The following UPF2 variants were observed in gnomAD, a reference collection of about 807,000 sequenced individuals.
UPF2 encodes the protein regulator of nonsense transcripts 2.
In UPF2, 17 loss-of-function variants were observed where a neutral mutation model predicts 141.4. The observed-to-expected ratio is 0.12, with a 90% CI of 0.08 to 0.18. The LOEUF is 0.18. UPF2 is among the 10% of genes least tolerant of loss of function. The probability of loss-of-function intolerance (pLI) is 1.00; values close to 1 mark genes in which losing one functional copy is unlikely to be tolerated. For missense variants in UPF2, 1,152 were observed against 1,515.9 expected (o/e 0.76, Z 3.99); for synonymous variants, 540 against 498.0 (o/e 1.08, Z -1.12).
chr10:11,923,787 C>T (rs777321955), intron 21 of UPF2, among the ~76,000 whole-genome samples: 3 of 151,842 alleles, frequency 2.0e-5, no homozygotes, highest in East Asian at 1.9e-4. Context: ...TGCAGTGAGC[C>T]GAGATCCCGG....
rs563104137 is a variant in UPF2 at position 11,921,882 on chromosome 10, A to G, written c.3810-575T>C. On this transcript the variant is annotated intron_variant, in intron 21 of 21. Transcript: ENST00000357604. The surrounding 1 kb of genome is among the most constrained non-coding windows in gnomAD (Gnocchi z 5.9). ...GTTCAGTTGTGTATCCCCAAAATTC[A>G]CATGTTAACACTGAACTGCAGGACC... Among the ~76,000 whole-genome samples, 1 of 152,248 alleles carries G rather than the reference A, an allele frequency of 6.6e-6. No individual in the cohort carries two copies. The highest frequency in any genetic ancestry group is 2.4e-5 in the African/African-American group (1 of 41,542).
chr10:11,991,722 A>G (rs1348059644), intron 8 of UPF2, among the ~76,000 whole-genome samples: 1 of 152,244 alleles, frequency 6.6e-6, no homozygotes, highest in Non-Finnish European at 1.5e-5. Flanking sequence ...TTAGGGTTAA[A>G]AGGTATGAGC....
chr10:11,954,270 A>T (rs1454026629), intron 14 of UPF2, among the ~76,000 whole-genome samples: 2 of 152,186 alleles, frequency 1.3e-5, no homozygotes, highest in East Asian at 1.9e-4. Flanking sequence ...TTTACAAATA[A>T]ATGAACAAAT....
chr10:11,997,812 C>G, intron 7 of UPF2, 55 bp from the exon 8 acceptor site: 2 of 1,464,550 alleles, frequency 1.4e-6, no homozygotes, highest in Non-Finnish European at 9.6e-7. Context: ...TTACGGAGAG[C>G]AGAAATCCTG....
chr10:12,028,872 G>A lies in UPF2; in HGVS notation c.1018C>T (p.Pro340Ser). ...TTCTCTGGACTAATTATCTCACTAG[G>A]AGGAAAACTCAAATTAAACTTCTCT... ...AAEKFNLSFPPSEIISPEKQQ... is the reference protein window; with the variant it reads ...AAEKFNLSFPSSEIISPEKQQ... The change falls in exon 3 of 22, where the codon CCT (proline) becomes TCT (serine). Residue 340 changes from proline to serine, a missense_variant. Physicochemically the swap from Pro to Ser is moderately conservative, Grantham distance 74. Coordinates refer to ENST00000357604, the MANE Select transcript of UPF2 (RefSeq NM_015542.4). 1 of 1,614,092 alleles carries A rather than the reference G, an allele frequency of 6.2e-7. No individual in the cohort carries two copies. The highest frequency in any genetic ancestry group is 8.5e-7 in the Non-Finnish European group (1 of 1,180,014).
At chr10:12,035,760 A>AG in intron 1 of UPF2, 1 of 191,134 alleles carries the variant, frequency 5.2e-6, no homozygotes. Flanking sequence ...TATCAACTCC[A>AG]AAACAATATG....
chr10:12,017,704 G>A (rs973272524), intron 3 of UPF2, among the ~76,000 whole-genome samples: 4 of 152,142 alleles, frequency 2.6e-5, no homozygotes, highest in African/African-American at 9.7e-5. Context: ...TTGGGGTTTT[G>A]TTTGTTCGTT....
intron 3 of UPF2, among the ~76,000 whole-genome samples, chr10:12,018,119 G>A (rs940334463): frequency 1.3e-5 from 2 of 152,154 alleles, no homozygotes; most frequent in Non-Finnish European, 2.9e-5. Flanking sequence ...AGACAAAGCA[G>A]AGAAATAACT....
chr10:11,999,199 A>C lies in UPF2; in HGVS notation c.1758+707T>G, dbSNP rs111880018. Among the ~76,000 whole-genome samples the C allele has an allele frequency of 1.7e-3, 254 of 151,912 alleles. 1 individual carries two copies. Among genetic ancestry groups the C allele is most frequent in the African/African-American group, 5.7e-3 (235 of 41,470 alleles). Reference sequence around the variant, plus strand: ...GCTCTACCCACCATCACTTTTGCAAATGTCAAAACAATAAAAAAGAAAAAA... The same window carrying C: ...GCTCTACCCACCATCACTTTTGCAACTGTCAAAACAATAAAAAAGAAAAAA... On this transcript the variant is annotated intron_variant, in intron 7 of 21. Transcript: ENST00000357604.
At chr10:12,026,688 T>C (rs1488339811) in intron 3 of UPF2, 2 of 449,290 alleles carry the variant, frequency 4.5e-6, no homozygotes, top group East Asian at 1.4e-4. Flanking sequence ...CTCGCTCTTG[T>C]CCTCCAGGCT....
chr10:11,938,853 GTT>G (rs58106776), intron 18 of UPF2, among the ~76,000 whole-genome samples: 37 of 79,814 alleles, frequency 4.6e-4, no homozygotes, highest in African/African-American at 1.7e-3. Context: ...TTTTTTTTTT[GTT>G]TTTTTTTTTT....
chr10:11,973,029 G>A lies in UPF2; in HGVS notation c.1954-5575C>T, dbSNP rs551550931. On this transcript the variant is annotated intron_variant, in intron 9 of 21. Transcript: ENST00000357604. ...TGGAAAAGTGTTCCTATTTCTCCAC[G>A]TCCTCTCCAGCACCTGTTGTTTCCT... Among the ~76,000 whole-genome samples, 444 of 152,066 alleles carry A rather than the reference G, an allele frequency of 2.9e-3. 2 individuals carry two copies. Among genetic ancestry groups the A allele is most frequent in the South Asian group, 7.9e-3 (38 of 4,814 alleles).
intron 8 of UPF2, among the ~76,000 whole-genome samples, chr10:11,984,487 T>C (rs2131237263): frequency 6.6e-6 from 1 of 152,318 alleles, no homozygotes; most frequent in South Asian, 2.1e-4. Flanking sequence ...ATCTTAGTTG[T>C]CTTTTTCAAT....
chr10:11,934,645 AATGGT>A (rs1832823452), intron 19 of UPF2, among the ~76,000 whole-genome samples: 21 of 152,298 alleles, frequency 1.4e-4, no homozygotes, highest in Admixed American at 2.6e-4. Flanking sequence ...GCTGGAGTAC[AATGGT>A]GTGATCTTGG....
At chr10:12,018,231 T>G (rs1428153874) in intron 3 of UPF2, among the ~76,000 whole-genome samples, 1 of 152,134 alleles carries the variant, frequency 6.6e-6, no homozygotes, top group Non-Finnish European at 1.5e-5. Context: ...GCCGATTGCT[T>G]GAGCCAACAA....
At chr10:11,993,272 T>C (rs1373918538) in intron 8 of UPF2, among the ~76,000 whole-genome samples, 2 of 152,040 alleles carry the variant, frequency 1.3e-5, no homozygotes, top group Non-Finnish European at 2.9e-5. Context: ...AAAAGATGTA[T>C]GTAATTCACA....
Position 11,935,633 on chromosome 10 carries a change from G to C in UPF2, c.3546+912C>G, listed in dbSNP as rs552383673. Among the ~76,000 whole-genome samples the C allele has an allele frequency of 1.7e-3, 257 of 152,232 alleles. 1 individual carries two copies. Among genetic ancestry groups the C allele is most frequent in the African/African-American group, 5.9e-3 (245 of 41,542 alleles). On this transcript the variant is annotated intron_variant, in intron 19 of 21. Transcript: ENST00000357604. This position sits in a 1 kb window ranked among gnomAD's most constrained non-coding sequence, Gnocchi z 4.9. ...ACACCTAAAGGTGTATCTGAAAGCT[G>C]GCCTATATTCTCTTCATACCATGTT...
chr10:11,974,885 T>C (rs557415951), intron 9 of UPF2, among the ~76,000 whole-genome samples: 3 of 152,338 alleles, frequency 2.0e-5, no homozygotes, highest in Non-Finnish European at 2.9e-5. Context: ...ATTCTATTTA[T>C]ATGTTTTATC....
intron 16 of UPF2, among the ~76,000 whole-genome samples, chr10:11,946,801 A>C (rs747877544): frequency 1.1e-4 from 17 of 152,132 alleles, no homozygotes; most frequent in Non-Finnish European, 2.2e-4. Flanking sequence ...GCTGGACATG[A>C]ATTCCTGGGC....
Sources: allele counts gnomAD v4.1 joint callset (sites outside exome capture counted in the v4.1 genomes callset), GRCh38; gene constraint gnomAD v4.1.1; non-coding constraint Gnocchi (gnomAD v3.1); transcripts MANE v1.5; gene names NCBI Gene and HGNC (gene_info 2026-07-23, HGNC 2026-07-21).